The following HMGN2 variants were observed in gnomAD, a reference collection of about 807,000 sequenced individuals.
HMGN2 encodes the protein high mobility group nucleosomal binding domain 2.
In HMGN2, 2 loss-of-function variants were observed where a neutral mutation model predicts 16.9. The ratio of observed to expected loss-of-function variants is 0.12; its 90% CI spans 0.05 to 0.37. HMGN2 has a LOEUF of 0.37. Ranked by LOEUF, HMGN2 falls within the 10% of genes least tolerant of loss-of-function variation. HMGN2 has a pLI of 1.00. For missense variants in HMGN2, 90 were observed against 106.0 expected (o/e 0.85, Z 0.66); for synonymous variants, 31 against 34.9 (o/e 0.89, Z 0.39).
rs2075600808 is a variant in HMGN2 at position 26,475,331 on chromosome 1, A to G, written c.*183A>G. 2.0e-6 allele frequency: 1 copy of G among 491,394 alleles called. No individual in the cohort carries two copies. Among genetic ancestry groups the G allele is most frequent in the African/African-American group, 2.0e-5 (1 of 50,836 alleles). The allele number at this position is 491,394 out of a possible 1,614,324, so 30.4% of individuals were successfully genotyped here. On this transcript the variant is annotated 3_prime_UTR_variant, in exon 6 of 6. Coordinates refer to ENST00000361427, the MANE Select transcript of HMGN2 (RefSeq NM_005517.4). ...GGGGGAAGGGGCATATGTCACTAATAGAATGTCTCCAAAGCTGGATTGATG... is the reference window on the plus strand; with the variant it reads ...GGGGGAAGGGGCATATGTCACTAATGGAATGTCTCCAAAGCTGGATTGATG...
chr1:26,472,918 A>G (rs1282672435), intron 1 of HMGN2, among the ~76,000 whole-genome samples: 1 of 143,702 alleles, frequency 7.0e-6, no homozygotes, highest in African/African-American at 2.6e-5. Flanking sequence ...CCCCTCCCCC[A>G]TCGCGAGGGC....
intron 4 of HMGN2, 26 bp from the exon 5 acceptor site, chr1:26,474,546 C>A: frequency 9.3e-7 from 1 of 1,076,030 alleles, no homozygotes; most frequent in South Asian, 1.3e-5. Flanking sequence ...TGGGGAGAAA[C>A]AGTTCTATTT....
chr1:26,473,439 G>A (rs773718924), intron 1 of HMGN2, 44 bp from the exon 2 acceptor site: 2 of 1,439,074 alleles, frequency 1.4e-6, no homozygotes, highest in East Asian at 2.3e-5. Flanking sequence ...AAGTAATTAA[G>A]AACCACCTCA....
In HMGN2 at chr1:26,472,536, C is replaced by G. The variant is rs913369961; in HGVS notation, c.-77C>G. ...GTGTGAAGAAGAGGCGAGAACGACC[C>G]CCGGACCGACCAAAGCCCGCGCGCC... On this transcript the variant is annotated 5_prime_UTR_variant, in exon 1 of 6. Transcript: ENST00000361427. 51 of 1,524,478 alleles carry G rather than the reference C, an allele frequency of 3.3e-5. No individual in the cohort carries two copies. Among genetic ancestry groups the G allele is most frequent in the Non-Finnish European group, 4.5e-5 (51 of 1,138,820 alleles). The allele number at this position is 1,524,478 out of a possible 1,614,324, so 94.4% of individuals were successfully genotyped here.
rs193057938 is a variant in HMGN2, at chr1:26,474,748, G to C, written c.237+81G>C. Reference sequence around the variant, plus strand: ...TCAAAAATTTAATTGCCCTTTTCTTGTATCACTCCAAATGTACCATTTGGT... The same window carrying C: ...TCAAAAATTTAATTGCCCTTTTCTTCTATCACTCCAAATGTACCATTTGGT... On this transcript the variant is annotated intron_variant, in intron 5 of 5. Coordinates refer to ENST00000361427, the MANE Select transcript of HMGN2 (RefSeq NM_005517.4). The C allele has an allele frequency of 3.4e-3, 2,498 of 730,946 alleles. 12 individuals are homozygous for C. Among genetic ancestry groups the C allele is most frequent in the Non-Finnish European group, 5.0e-3 (2,047 of 405,890 alleles). The allele number at this position is 730,946 out of a possible 1,614,324, so 45.3% of individuals were successfully genotyped here.
intron 1 of HMGN2, 139 bp from the exon 2 acceptor site, chr1:26,473,344 G>C: frequency 1.5e-6 from 1 of 651,530 alleles, no homozygotes; most frequent in Non-Finnish European, 2.7e-6. Context: ...GTTCTTATAC[G>C]AACGTCGGGC....
In HMGN2 at chr1:26,474,152, G is replaced by A; in HGVS notation, c.141+17G>A. 2.5e-6 allele frequency: 4 copies of A among 1,580,968 alleles called. No individual in the cohort carries two copies. Among genetic ancestry groups the A allele is most frequent in the Middle Eastern group, 2.0e-4 (1 of 4,988 alleles). ...CCTGCAAAGGTAAGTGCTAACATTGGAACTGATCATTTTCACAGAATGAGG... is the reference window on the plus strand; with the variant it reads ...CCTGCAAAGGTAAGTGCTAACATTGAAACTGATCATTTTCACAGAATGAGG... On this transcript the variant is annotated intron_variant, in intron 4 of 5. Transcript: ENST00000361427.
chr1:26,472,513 G>C lies in HMGN2; in HGVS notation c.-100G>C. ...ATAAACCCCCCGGAGCCCGAGCAGT[G>C]TGAAGAAGAGGCGAGAACGACCCCC... On this transcript the variant is annotated 5_prime_UTR_variant, in exon 1 of 6. Transcript: ENST00000361427. 2.9e-6 allele frequency: 4 copies of C among 1,392,756 alleles called. No homozygotes were observed. The highest frequency in any genetic ancestry group is 3.9e-6 in the Non-Finnish European group (4 of 1,019,234). 86.3% of individuals were successfully genotyped at this position (1,392,756 alleles called of 1,614,324 possible).
rs962195180 is a variant in HMGN2 at position 26,475,608 on chromosome 1, A to C, written c.*460A>C. 2 of 316,668 alleles carry C rather than the reference A, an allele frequency of 6.3e-6. No individual in the cohort carries two copies. The highest frequency in any genetic ancestry group is 4.5e-5 in the African/African-American group (2 of 44,844). 19.6% of individuals were successfully genotyped at this position (316,668 alleles called of 1,614,324 possible). On this transcript the variant is annotated 3_prime_UTR_variant, in exon 6 of 6. Transcript: ENST00000361427. Reference sequence around the variant, plus strand: ...GTGTGTCAGGCAATCTGGACTTTCCAGTGATGCCACTGAGATGGCACCTGT... The same window carrying C: ...GTGTGTCAGGCAATCTGGACTTTCCCGTGATGCCACTGAGATGGCACCTGT...
chr1:26,474,911 T>C (rs898925628), intron 5 of HMGN2: 9 of 610,696 alleles, frequency 1.5e-5, no homozygotes, highest in Non-Finnish European at 2.3e-5. Flanking sequence ...TCTGGTGTTC[T>C]TCCTACCTCA....
chr1:26,472,586 C>G lies in HMGN2; in HGVS notation c.-27C>G, dbSNP rs2075577397. ...CGCTGCATCCCGCGTCCAGCACCTA[C>G]GTCCCGCTGCCGTCGCCGCCGCCAC... On this transcript the variant is annotated 5_prime_UTR_variant, in exon 1 of 6. Coordinates refer to ENST00000361427, the MANE Select transcript of HMGN2 (RefSeq NM_005517.4). 3.9e-6 allele frequency: 6 copies of G among 1,535,768 alleles called. No individual in the cohort carries two copies. Among genetic ancestry groups the G allele is most frequent in the Non-Finnish European group, 3.5e-6 (4 of 1,148,138 alleles).
In HMGN2 at chr1:26,472,602, C is replaced by G. The variant is rs1557460240; in HGVS notation, c.-11C>G. 6 of 1,535,108 alleles carry G rather than the reference C, an allele frequency of 3.9e-6. No individual in the cohort carries two copies. Among genetic ancestry groups the G allele is most frequent in the African/African-American group, 1.4e-5 (1 of 72,978 alleles). On this transcript the variant is annotated 5_prime_UTR_variant, in exon 1 of 6. Transcript: ENST00000361427. Reference sequence around the variant, plus strand: ...CAGCACCTACGTCCCGCTGCCGTCGCCGCCGCCACCATGCCCAAGAGAAAG... The same window carrying G: ...CAGCACCTACGTCCCGCTGCCGTCGGCGCCGCCACCATGCCCAAGAGAAAG...
At position 26,476,213 on chromosome 1, in the gene HMGN2, C is replaced by T. The variant is rs915762721; in HGVS notation, c.*1065C>T. ...TTTCTGTACTTGGTTATGCAGCATT[C>T]CCTGCAGTGTTTGTTTTTTGCATGA... On this transcript the variant is annotated 3_prime_UTR_variant, in exon 6 of 6. Transcript: ENST00000361427. 1.3e-5 allele frequency among the ~76,000 whole-genome samples: 2 copies of T among 152,174 alleles called. No homozygotes were observed. The highest frequency in any genetic ancestry group is 1.5e-5 in the Non-Finnish European group (1 of 68,038).
intron 1 of HMGN2, among the ~76,000 whole-genome samples, 189 bp downstream of exon 1, chr1:26,472,816 G>A (rs2075580724): frequency 1.3e-5 from 2 of 151,808 alleles, no homozygotes; most frequent in South Asian, 2.1e-4. Flanking sequence ...GGCGCCAGAG[G>A]CCATATTGGA....
chr1:26,473,035 C>A (rs1033098905), intron 1 of HMGN2, among the ~76,000 whole-genome samples: 1 of 302 alleles, frequency 3.3e-3, no homozygotes, highest in Non-Finnish European at 0.024. Flanking sequence ...AAAACCGCCG[C>A]CGTGAGGGGC....
rs1379743900 is a variant in HMGN2, at chr1:26,472,571, C to T, written c.-42C>T. 3.3e-6 allele frequency: 5 copies of T among 1,535,818 alleles called. No homozygotes were observed. Among genetic ancestry groups the T allele is most frequent in the Non-Finnish European group, 4.4e-6 (5 of 1,148,034 alleles). On this transcript the variant is annotated 5_prime_UTR_variant, in exon 1 of 6. Transcript: ENST00000361427. The stretch of plus-strand genomic sequence containing the variant: ...CCAAAGCCCGCGCGCCGCTGCATCC[C>T]GCGTCCAGCACCTACGTCCCGCTGC...
At chr1:26,473,989 ACTTCT>A in intron 3 of HMGN2, 91 bp from the exon 4 acceptor site, 1 of 1,073,478 alleles carries the variant, frequency 9.3e-7, no homozygotes, top group African/African-American at 1.6e-5. Context: ...AGGAGGAGAA[ACTTCT>A]CTACCCTTGG....
chr1:26,474,697 T>G, intron 5 of HMGN2, 30 bp downstream of exon 5: 1 of 1,073,814 alleles, frequency 9.3e-7, no homozygotes, highest in Non-Finnish European at 1.4e-6. Flanking sequence ...CTTTGTTAGA[T>G]TTGTTCATTC....
At chr1:26,473,576 A>G (rs1029799034) in intron 2 of HMGN2, 49 bp downstream of exon 2, 1 of 1,558,636 alleles carries the variant, frequency 6.4e-7, no homozygotes, top group African/African-American at 1.4e-5. Context: ...AGCAGAGGCC[A>G]CTGGACTCGG....
Sources: gnomAD v4.1 joint callset for allele counts (sites outside exome capture counted in the v4.1 genomes callset) on GRCh38, gnomAD v4.1.1 for gene constraint, MANE v1.5 for transcripts, NCBI Gene and HGNC (gene_info 2026-07-23, HGNC 2026-07-21) for gene names.